The following PHACTR3 variants were observed in gnomAD, a reference collection of about 807,000 sequenced individuals.
PHACTR3 encodes the protein protein phosphatase 1, regulatory subunit 123.
Under a neutral mutation model 66.8 loss-of-function variants are expected in PHACTR3, and 16 were observed. The ratio of observed to expected loss-of-function variants is 0.24; its 90% CI spans 0.16 to 0.36. The LOEUF is 0.36. Ranked by LOEUF, PHACTR3 falls within the 10% of genes least tolerant of loss-of-function variation. PHACTR3 has a pLI of 1.00. For missense variants in PHACTR3, 647 were observed against 719.9 expected (o/e 0.90, Z 1.16); for synonymous variants, 323 against 292.1 (o/e 1.11, Z -1.08).
intron 1 of PHACTR3, among the ~76,000 whole-genome samples, chr20:59,694,081 A>G (rs1048111858): frequency 4.6e-5 from 7 of 152,206 alleles, no homozygotes; most frequent in African/African-American, 1.7e-4. Flanking sequence ...ATAGAGGGTG[A>G]CTGGCCCTGT....
At chr20:59,674,397 T>TTCC (rs376873514) in intron 1 of PHACTR3, among the ~76,000 whole-genome samples, 5 of 78,598 alleles carry the variant, frequency 6.4e-5, no homozygotes, top group African/African-American at 3.0e-4. Context: ...CTCCTGTTCC[T>TTCC]CCTTCTCCTG....
chr20:59,801,809 T>A (rs1568835829), intron 7 of PHACTR3, among the ~76,000 whole-genome samples: 1 of 152,256 alleles, frequency 6.6e-6, no homozygotes, highest in African/African-American at 2.4e-5. Context: ...ATAATTAGGA[T>A]ATGTTGTGAC....
At chr20:59,587,183 G>C (rs2033056651) in intron 1 of PHACTR3, among the ~76,000 whole-genome samples, 1 of 152,250 alleles carries the variant, frequency 6.6e-6, no homozygotes, top group Admixed American at 6.5e-5. Flanking sequence ...CACTGGGATG[G>C]TTCTCTCCAC....
intron 1 of PHACTR3, among the ~76,000 whole-genome samples, chr20:59,663,818 A>C (rs1206468080): frequency 2.0e-5 from 3 of 152,224 alleles, no homozygotes; most frequent in Admixed American, 6.5e-5. Flanking sequence ...CTTGGGAACA[A>C]GGCTGTGGAA....
intron 1 of PHACTR3, among the ~76,000 whole-genome samples, chr20:59,647,858 C>T (rs983224306): frequency 8.5e-5 from 13 of 152,220 alleles, no homozygotes; most frequent in African/African-American, 3.1e-4. Context: ...TGGGTTTCCT[C>T]ATCTGTGAAA....
At chr20:59,822,001 A>ATCCCACCCCTTCCCCAGCAG in intron 8 of PHACTR3, among the ~76,000 whole-genome samples, 2 of 120,894 alleles carry the variant, frequency 1.7e-5, no homozygotes, top group Non-Finnish European at 3.5e-5. Context: ...TTCCCCAGCA[A>ATCCCACCCCTTCCCCAGCAG]TCCCACCCCT....
At chr20:59,689,898 C>T (rs2037046656) in intron 1 of PHACTR3, among the ~76,000 whole-genome samples, 1 of 152,174 alleles carries the variant, frequency 6.6e-6, no homozygotes, top group African/African-American at 2.4e-5. Context: ...GGTCCAGGCC[C>T]CCTTGTCTGT....
chr20:59,646,236 G>A (rs537917452), intron 1 of PHACTR3, among the ~76,000 whole-genome samples: 1 of 152,360 alleles, frequency 6.6e-6, no homozygotes, highest in East Asian at 1.9e-4. Context: ...TGTCCTGCCA[G>A]AGCTGGGCTC....
intron 1 of PHACTR3, among the ~76,000 whole-genome samples, chr20:59,619,244 G>A (rs1425363540): frequency 6.6e-6 from 1 of 152,082 alleles, no homozygotes. Context: ...TATAAGCCTT[G>A]GTGGCCCTGC....
chr20:59,779,027 C>A (rs2040632947), intron 7 of PHACTR3, among the ~76,000 whole-genome samples: 1 of 152,222 alleles, frequency 6.6e-6, no homozygotes, highest in African/African-American at 2.4e-5. Flanking sequence ...GTGAGGCCCC[C>A]TTTCCTCCAT....
intron 2 of PHACTR3, 94 bp from the exon 3 acceptor site, chr20:59,747,664 G>A: frequency 2.1e-6 from 3 of 1,430,400 alleles, no homozygotes; most frequent in Admixed American, 1.9e-5. Context: ...AGTGTTTTTG[G>A]TCTGTAAACT....
chr20:59,675,346 C>A (rs2036419551), intron 1 of PHACTR3, among the ~76,000 whole-genome samples: 1 of 152,082 alleles, frequency 6.6e-6, no homozygotes, highest in Non-Finnish European at 1.5e-5. Flanking sequence ...GAGAGATGCC[C>A]CCACTACAAT....
chr20:59,758,000 A>C (rs816255), intron 4 of PHACTR3, among the ~76,000 whole-genome samples: 1 of 151,912 alleles, frequency 6.6e-6, no homozygotes, highest in African/African-American at 2.4e-5. Context: ...AGCCCACAGA[A>C]TGGAGAGAGA....
chr20:59,785,531 C>T (rs955333491), intron 7 of PHACTR3, among the ~76,000 whole-genome samples: 4 of 152,162 alleles, frequency 2.6e-5, no homozygotes, highest in East Asian at 1.9e-4. Context: ...CTGCTGGACT[C>T]CATTCTTGCA....
chr20:59,655,303 A>G (rs1480441654), intron 1 of PHACTR3, among the ~76,000 whole-genome samples: 2 of 152,056 alleles, frequency 1.3e-5, no homozygotes, highest in African/African-American at 2.4e-5. Context: ...CAATTCACAT[A>G]CTATACACTT....
At chr20:59,826,061 A>G (rs944528866) in intron 8 of PHACTR3, among the ~76,000 whole-genome samples, 6 of 152,114 alleles carry the variant, frequency 3.9e-5, no homozygotes, top group Non-Finnish European at 8.8e-5. Flanking sequence ...CAGAACAGGG[A>G]GAAATGGATT....
intron 5 of PHACTR3, among the ~76,000 whole-genome samples, chr20:59,769,738 T>TTGGA (rs2040301864): frequency 6.6e-6 from 1 of 152,182 alleles, no homozygotes; most frequent in South Asian, 2.1e-4. Context: ...CAGATGATGG[T>TTGGA]TGGATGGATG....
intron 1 of PHACTR3, among the ~76,000 whole-genome samples, chr20:59,611,008 CT>C (rs1333814029): frequency 1.3e-5 from 2 of 152,260 alleles, no homozygotes; most frequent in African/African-American, 4.8e-5. Context: ...ATGCAGCACA[CT>C]TGGCCCTTGC....
At chr20:59,634,189 A>G (rs1165913841) in intron 1 of PHACTR3, among the ~76,000 whole-genome samples, 1 of 152,184 alleles carries the variant, frequency 6.6e-6, no homozygotes, top group African/African-American at 2.4e-5. Flanking sequence ...TAGGGGCTGG[A>G]AATATTTAAG....
Sources: gnomAD v4.1 joint callset for allele counts (sites outside exome capture counted in the v4.1 genomes callset) on GRCh38, gnomAD v4.1.1 for gene constraint, MANE v1.5 for transcripts, NCBI Gene and HGNC (gene_info 2026-07-23, HGNC 2026-07-21) for gene names.